Variants in GLRA2 observed in about 807,000 individuals in gnomAD.
GLRA2 encodes the protein glycine receptor subunit alpha-2.
GLRA2 carries 11 observed loss-of-function variants against 31.6 expected under a neutral mutation model. The observed-to-expected ratio is 0.35, with a 90% CI of 0.22 to 0.58. The LOEUF (loss-of-function observed/expected upper bound fraction) is 0.58. GLRA2 is among the 20% of genes least tolerant of loss of function. The pLI, the probability that GLRA2 is intolerant of heterozygous loss-of-function variation, is 0.84. For missense variants in GLRA2, 212 were observed against 351.8 expected, an observed-to-expected ratio of 0.60 and a Z score of 3.18; for synonymous variants, 132 against 134.0, an observed-to-expected ratio of 0.99 and a Z score of 0.10.
chrX:14,669,791 T>G (rs1410597033), intron 7 of GLRA2, among the ~76,000 whole-genome samples: 1 of 111,760 alleles, frequency 8.9e-6, no homozygotes, highest in African/African-American at 3.3e-5. Flanking sequence ...GGGCCTGTGA[T>G]GGGAGGGGCT....
chrX:14,449,274 A>G, the GLRA2 span, among the ~76,000 whole-genome samples: 2 of 112,216 alleles, frequency 1.8e-5, no homozygotes, highest in East Asian at 2.8e-4. Context: ...GATCCTAAGG[A>G]AGAGGTAAGT....
At chrX:14,477,399 G>A in the GLRA2 span, among the ~76,000 whole-genome samples, 1 of 111,948 alleles carries the variant, frequency 8.9e-6, no homozygotes, top group South Asian at 3.7e-4. Context: ...TTGAGATGTA[G>A]CTTTGGCCAA....
intron 7 of GLRA2, among the ~76,000 whole-genome samples, chrX:14,641,516 A>G (rs2090773591): frequency 9.0e-6 from 1 of 111,256 alleles, no homozygotes; most frequent in Non-Finnish European, 1.9e-5. Context: ...TTTTATTTAC[A>G]TACCTCTGAT....
chrX:14,609,214 T>A lies in GLRA2; in HGVS notation c.930+9T>A, dbSNP rs766641886. The A allele has an allele frequency of 2.7e-6, 3 of 1,097,118 alleles. No homozygotes were observed. The highest frequency in any genetic ancestry group is 3.7e-5 in the African/African-American group (2 of 54,656). 90.4% of individuals were successfully genotyped at this position (1,097,118 alleles called of 1,213,427 possible). A position where few individuals can be genotyped will look rare whatever the true frequency, so the allele number is the denominator to read the frequency against. On this transcript the variant is annotated intron_variant, in intron 7 of 8. Transcript: ENST00000218075. ...GGGCATCTCTGCCAAAGGTAAGAAA[T>A]CTTGCTTGATAACAGATGACATGAA...
At chrX:14,505,904 GTTTTAAA>G in the GLRA2 span, among the ~76,000 whole-genome samples, 3 of 111,294 alleles carry the variant, frequency 2.7e-5, no homozygotes, top group African/African-American at 9.8e-5. Context: ...GAAAAACACA[GTTTTAAA>G]ACCATCAGCT....
chrX:14,633,576 C>T (rs565467393), intron 7 of GLRA2, among the ~76,000 whole-genome samples: 4 of 111,788 alleles, frequency 3.6e-5, no homozygotes, highest in Non-Finnish European at 5.6e-5. Flanking sequence ...GACAGAATTA[C>T]GAAAAGCAGG....
At chrX:14,615,809 G>A (rs779083081) in intron 7 of GLRA2, among the ~76,000 whole-genome samples, 1 of 111,784 alleles carries the variant, frequency 8.9e-6, no homozygotes, top group East Asian at 2.8e-4. Flanking sequence ...AGAAACTTGT[G>A]TTTATTGATT....
chrX:14,689,187 C>T, intron 7 of GLRA2, among the ~76,000 whole-genome samples: 1 of 111,995 alleles, frequency 8.9e-6, no homozygotes, highest in Non-Finnish European at 1.9e-5. Flanking sequence ...AATTCAAGAG[C>T]CTGTTTTCAT....
the GLRA2 span, among the ~76,000 whole-genome samples, chrX:14,490,134 T>C: frequency 9.0e-6 from 1 of 111,494 alleles, no homozygotes. Context: ...TTTCTAACAA[T>C]CCTCCCTTCA....
At chrX:14,595,043 C>A (rs758672322) in intron 4 of GLRA2, among the ~76,000 whole-genome samples, 1 of 110,690 alleles carries the variant, frequency 9.0e-6, no homozygotes, top group Non-Finnish European at 1.9e-5. Context: ...TTAGGTCCAG[C>A]CTTAGACAAT....
In GLRA2 at chrX:14,604,388, C is replaced by A; in HGVS notation, c.568C>A (p.Leu190Met). 1 of 1,137,161 alleles carries A rather than the reference C, an allele frequency of 8.8e-7. No individual in the cohort carries two copies. The highest frequency in any genetic ancestry group is 1.2e-6 in the Non-Finnish European group (1 of 829,776). The allele number at this position is 1,137,161 out of a possible 1,213,427, so 93.7% of individuals were successfully genotyped here. ...GGATGTCCAGACCTGTACAATGCAGCTGGAGAGTTGTAAGTCACCACTGTT... is the reference window on the plus strand; with the variant it reads ...GGATGTCCAGACCTGTACAATGCAGATGGAGAGTTGTAAGTCACCACTGTT... The part of the protein sequence containing the change: ...PMDVQTCTMQ[L>M]ESFGYTMNDL... Residue 190 changes from leucine (L) to methionine (M), a missense_variant, in exon 5 of 9, where the codon CTG (leucine) becomes ATG (methionine). Leu to Met is a conservative substitution (Grantham distance 15, BLOSUM62 2). This residue lies in a region of GLRA2 where 110 missense variants were observed against 232.6 expected (regional missense o/e 0.47). Transcript: ENST00000218075.
At chrX:14,490,669 T>G in the GLRA2 span, among the ~76,000 whole-genome samples, 1 of 111,727 alleles carries the variant, frequency 9.0e-6, no homozygotes, top group Non-Finnish European at 1.9e-5. Flanking sequence ...CATGGCTGGA[T>G]GAAACAAACA....
intron 8 of GLRA2, among the ~76,000 whole-genome samples, chrX:14,703,688 G>A (rs1019169176): frequency 7.2e-5 from 8 of 111,575 alleles, no homozygotes; most frequent in African/African-American, 2.6e-4. Context: ...TGCACACTCA[G>A]GACAGTCCAG....
the GLRA2 span, among the ~76,000 whole-genome samples, chrX:14,458,494 T>C: frequency 1.8e-5 from 2 of 112,220 alleles, no homozygotes; most frequent in Non-Finnish European, 3.8e-5. Flanking sequence ...ACCAACTGTG[T>C]AAAAGCATTC....
chrX:14,605,123 T>C (rs2090320656), intron 5 of GLRA2, among the ~76,000 whole-genome samples: 1 of 111,918 alleles, frequency 8.9e-6, no homozygotes, highest in Non-Finnish European at 1.9e-5. Flanking sequence ...TATGAATTTC[T>C]TTCTGGCTTG....
chrX:14,637,878 C>A (rs973449424), intron 7 of GLRA2, among the ~76,000 whole-genome samples: 1 of 111,654 alleles, frequency 9.0e-6, no homozygotes, highest in African/African-American at 3.3e-5. Context: ...GCTCTGAAAA[C>A]AAGAACCACA....
rs188914549 is a variant in GLRA2, at chrX:14,636,664, A to G, written c.930+27459A>G. On this transcript the variant is annotated intron_variant, in intron 7 of 8. Coordinates refer to ENST00000218075, the MANE Select transcript of GLRA2 (RefSeq NM_002063.4). ...TTGAACAACAGTAAGAAAAAAAGTT[A>G]GATAAAAACTAAGATATCAGTATTG... Among the ~76,000 whole-genome samples the G allele has an allele frequency of 2.5e-3, 278 of 111,790 alleles. 2 individuals are homozygous for G. Among genetic ancestry groups the G allele is most frequent in the African/African-American group, 8.3e-3 (255 of 30,828 alleles).
chrX:14,621,861 C>T (rs2090523407), intron 7 of GLRA2, among the ~76,000 whole-genome samples: 1 of 112,011 alleles, frequency 8.9e-6, no homozygotes, highest in East Asian at 2.8e-4. Flanking sequence ...ATTTATAATC[C>T]TTTGGGTATA....
At chrX:14,601,178 T>A (rs1453640505) in intron 4 of GLRA2, among the ~76,000 whole-genome samples, 2 of 111,730 alleles carry the variant, frequency 1.8e-5, no homozygotes, top group Admixed American at 9.6e-5. Context: ...ATGAACTCCA[T>A]AATTGACAAC....
Sources: gnomAD v4.1 joint callset for allele counts (sites outside exome capture counted in the v4.1 genomes callset) on GRCh38, gnomAD v4.1.1 for gene constraint, gnomAD v4.1.1 regional missense constraint, MANE v1.5 for transcripts, NCBI Gene and HGNC (gene_info 2026-07-23, HGNC 2026-07-21) for gene names.